CNTN5: variants seen among roughly 807,000 people sequenced by gnomAD.
CNTN5 encodes contactin 5.
In CNTN5, 77 loss-of-function variants were observed where a neutral mutation model predicts 129.1. The observed-to-expected ratio is 0.60, with a 90% confidence interval of 0.50 to 0.72. The LOEUF is 0.72. Ranked by LOEUF, CNTN5 falls within the 30% of genes least tolerant of loss-of-function variation. CNTN5 has a pLI of 0.00. For synonymous variants in CNTN5, 509 were observed against 465.6 expected, an observed-to-expected ratio of 1.09 and a Z score of -1.20; for missense variants, 1,478 against 1,328.8, an observed-to-expected ratio of 1.11 and a Z score of -1.75.
intron 1 of CNTN5, among the ~76,000 whole-genome samples, chr11:99,273,275 C>A (rs1164485201): frequency 6.6e-6 from 1 of 151,756 alleles, no homozygotes; most frequent in Non-Finnish European, 1.5e-5. Context: ...TGTACATTAA[C>A]GTCAACAGAA....
chr11:99,907,557 T>C (rs1256332537), intron 6 of CNTN5, among the ~76,000 whole-genome samples: 1 of 151,802 alleles, frequency 6.6e-6, no homozygotes, highest in East Asian at 1.9e-4. Context: ...TGGGGCTGTA[T>C]ACATATATTA....
intron 2 of CNTN5, among the ~76,000 whole-genome samples, chr11:99,381,486 G>A (rs977590680): frequency 6.6e-6 from 1 of 152,150 alleles, no homozygotes; most frequent in Non-Finnish European, 1.5e-5. Flanking sequence ...ATGGCTGTAT[G>A]CAGAAGGCCT....
intron 3 of CNTN5, among the ~76,000 whole-genome samples, chr11:99,767,403 A>G (rs1944791410): frequency 6.6e-6 from 1 of 152,092 alleles, no homozygotes; most frequent in Non-Finnish European, 1.5e-5. Flanking sequence ...CTACTCAAAA[A>G]GAAAGCTGGT....
intron 6 of CNTN5, among the ~76,000 whole-genome samples, chr11:99,883,250 C>T (rs1240145814): frequency 1.3e-5 from 2 of 152,282 alleles, no homozygotes; most frequent in South Asian, 2.1e-4. Context: ...ATTGTTGGAT[C>T]ATATGGTAGC....
Position 99,883,873 on chromosome 11 carries a change from GAAGAT to G in CNTN5, c.578-32174_578-32170del, listed in dbSNP as rs763468980. Reference sequence around the variant, plus strand: ...CAAAAACAAAGCAAGTCCTGTTACAGAAGATAAGATATTAGAAGCCACGTCTTCTG... The same window carrying G: ...CAAAAACAAAGCAAGTCCTGTTACAGAAGATATTAGAAGCCACGTCTTCTG... On this transcript the variant is annotated intron_variant, in intron 6 of 24. Coordinates refer to ENST00000524871, the MANE Select transcript of CNTN5 (RefSeq NM_014361.4). Among the ~76,000 whole-genome samples the G allele has an allele frequency of 2.6e-5, 4 of 152,302 alleles. No individual in the cohort carries two copies. The South Asian group carries it at 6.2e-4, about 24-fold the overall frequency.
At chr11:100,006,647 C>T (rs2137500368) in intron 9 of CNTN5, among the ~76,000 whole-genome samples, 1 of 152,250 alleles carries the variant, frequency 6.6e-6, no homozygotes, top group Admixed American at 6.5e-5. Context: ...TTCATCACAT[C>T]TGCATTTACT....
At chr11:99,586,841 T>C (rs1362879830) in intron 3 of CNTN5, among the ~76,000 whole-genome samples, 4 of 152,206 alleles carry the variant, frequency 2.6e-5, no homozygotes, top group African/African-American at 9.7e-5. Flanking sequence ...CATAATATTT[T>C]AACATAGTCA....
intron 6 of CNTN5, among the ~76,000 whole-genome samples, chr11:99,882,321 G>A (rs1279807431): frequency 1.3e-5 from 2 of 152,090 alleles, no homozygotes; most frequent in Non-Finnish European, 2.9e-5. Context: ...CATGAAGTGG[G>A]ATGAATTTAT....
chr11:99,585,981 T>G (rs1949779990), intron 3 of CNTN5, among the ~76,000 whole-genome samples: 1 of 152,180 alleles, frequency 6.6e-6, no homozygotes, highest in Non-Finnish European at 1.5e-5. Flanking sequence ...TTCCTCTGAA[T>G]TCAGTCAGCT....
At chr11:99,978,833 G>C (rs149832156) in intron 8 of CNTN5, among the ~76,000 whole-genome samples, 65 of 152,274 alleles carry the variant, frequency 4.3e-4, no homozygotes, top group African/African-American at 1.5e-3. Flanking sequence ...AAAGGAAGTT[G>C]GTTTATATGG....
At chr11:100,177,357 C>T (rs1326542306) in intron 13 of CNTN5, among the ~76,000 whole-genome samples, 1 of 152,098 alleles carries the variant, frequency 6.6e-6, no homozygotes, top group Non-Finnish European at 1.5e-5. Context: ...ATTGATTACA[C>T]TACATAGTAA....
intron 1 of CNTN5, among the ~76,000 whole-genome samples, chr11:99,072,133 T>C (rs1456322103): frequency 1.3e-5 from 2 of 152,004 alleles, no homozygotes; most frequent in African/African-American, 4.8e-5. Flanking sequence ...AAAGTGACAG[T>C]TGATTATAAA....
At chr11:99,178,076 A>T (rs992959318) in intron 1 of CNTN5, among the ~76,000 whole-genome samples, 1 of 152,154 alleles carries the variant, frequency 6.6e-6, no homozygotes, top group African/African-American at 2.4e-5. Flanking sequence ...GTAACCGTAC[A>T]TGAAGTGAAC....
intron 3 of CNTN5, among the ~76,000 whole-genome samples, chr11:99,699,089 C>T (rs922571062): frequency 4.0e-5 from 6 of 151,254 alleles, no homozygotes; most frequent in Admixed American, 2.0e-4. Flanking sequence ...AGGAAGATAA[C>T]GTTCAATTTT....
intron 1 of CNTN5, among the ~76,000 whole-genome samples, chr11:99,167,905 C>T (rs1367404208): frequency 6.6e-6 from 1 of 151,744 alleles, no homozygotes; most frequent in African/African-American, 2.4e-5. Flanking sequence ...AGATCTGACC[C>T]CAAAGCCTAT....
At chr11:100,116,970 T>G (rs1032162108) in intron 13 of CNTN5, among the ~76,000 whole-genome samples, 2 of 152,006 alleles carry the variant, frequency 1.3e-5, no homozygotes, top group Non-Finnish European at 2.9e-5. Flanking sequence ...GTTGAAGAAA[T>G]TCTCAGCTTC....
At chr11:99,138,292 C>T (rs1238998255) in intron 1 of CNTN5, among the ~76,000 whole-genome samples, 1 of 151,938 alleles carries the variant, frequency 6.6e-6, no homozygotes, top group Non-Finnish European at 1.5e-5. Context: ...ATTGTACATT[C>T]TATTGCAGGT....
At chr11:100,133,484 C>A (rs758507713) in intron 13 of CNTN5, among the ~76,000 whole-genome samples, 3 of 152,100 alleles carry the variant, frequency 2.0e-5, no homozygotes, top group Non-Finnish European at 4.4e-5. Flanking sequence ...TTGAAAAATT[C>A]AGACTCCCTG....
intron 2 of CNTN5, among the ~76,000 whole-genome samples, chr11:99,507,634 T>C (rs1193913913): frequency 6.6e-6 from 1 of 152,172 alleles, no homozygotes; most frequent in South Asian, 2.1e-4. Context: ...ATTTTATACA[T>C]AACATTTAGA....
Sources: gnomAD v4.1 joint callset for allele counts (sites outside exome capture counted in the v4.1 genomes callset) on GRCh38, gnomAD v4.1.1 for gene constraint, MANE v1.5 for transcripts, NCBI Gene and HGNC (gene_info 2026-07-23, HGNC 2026-07-21) for gene names.